Variants in RALGPS2 observed in about 807,000 individuals in gnomAD.
RALGPS2 encodes the protein Ral GEF with PH domain and SH3 binding motif 2, also known as ras-specific guanine nucleotide-releasing factor RalGPS2.
Under a neutral mutation model 86.8 loss-of-function variants are expected in RALGPS2, and 43 were observed. The ratio of observed to expected loss-of-function variants is 0.50; its 90% CI spans 0.39 to 0.64. RALGPS2 has a LOEUF of 0.64. Among genes scored for constraint, RALGPS2 ranks in the 30% least tolerant of loss-of-function variants. RALGPS2 has a pLI of 0.00. For missense variants in RALGPS2, 536 were observed against 694.6 expected, an observed-to-expected ratio of 0.77 and a Z score of 2.57; for synonymous variants, 243 against 231.3, an observed-to-expected ratio of 1.05 and a Z score of -0.46.
In RALGPS2 at chr1:178,896,264, AT is replaced by A. The variant is rs534215050; in HGVS notation, c.1432-1397del. Among the ~76,000 whole-genome samples the A allele has an allele frequency of 1.7e-3, 264 of 152,110 alleles. 1 individual carries two copies. Among genetic ancestry groups the A allele is most frequent in the Middle Eastern group, 3.4e-3 (1 of 294 alleles). Reference sequence around the variant, plus strand: ...GCAAAACAGAAGAAGTAGAGGCAAGATTTAGAGACACCCTTGCAAGAAGTTA... The same window carrying A: ...GCAAAACAGAAGAAGTAGAGGCAAGATTAGAGACACCCTTGCAAGAAGTTA... On this transcript the variant is annotated intron_variant, in intron 16 of 19. Transcript: ENST00000367635.
At position 178,892,306 on chromosome 1, in the gene RALGPS2, A is replaced by G. The variant is rs1026358352; in HGVS notation, c.1324A>G (p.Ser442Gly). ...NGYRSHMKAS[S>G]SAESEDLAVH... is the part of the protein sequence containing the mutation. ...CTATCGAAGTCACATGAAGGCCAGC[A>G]GGTACAATTCCCCTGCATTCAGGGG... Residue 442 changes from serine (S) to glycine (G), a missense_variant and splice_region_variant, in exon 15 of 20, where the codon AGT becomes GGT. By Grantham distance (56) the Ser-to-Gly change is moderately conservative. Coordinates refer to ENST00000367635, the MANE Select transcript of RALGPS2 (RefSeq NM_152663.5). The G allele has an allele frequency of 1.2e-6, 2 of 1,612,228 alleles. No homozygotes were observed. Among genetic ancestry groups the G allele is most frequent in the Middle Eastern group, 1.7e-4 (1 of 6,038 alleles).
At chr1:178,799,276 T>A (rs1385265415) in intron 4 of RALGPS2, among the ~76,000 whole-genome samples, 1 of 152,056 alleles carries the variant, frequency 6.6e-6, no homozygotes, top group African/African-American at 2.4e-5. Flanking sequence ...CCTGACCTCA[T>A]GATCCGTCTG....
intron 4 of RALGPS2, among the ~76,000 whole-genome samples, chr1:178,802,197 T>C (rs1036294756): frequency 6.6e-6 from 1 of 151,260 alleles, no homozygotes; most frequent in South Asian, 2.1e-4. Context: ...ATATATATTA[T>C]ATAATATATT....
intron 8 of RALGPS2, among the ~76,000 whole-genome samples, chr1:178,836,603 T>G (rs6696183): frequency 0.012 from 1,770 of 152,300 alleles, 53 homozygotes; most frequent in African/African-American, 0.04. Context: ...AGCCCCATCT[T>G]AATTGTGTGA....
intron 4 of RALGPS2, among the ~76,000 whole-genome samples, chr1:178,792,405 G>GT (rs1468774310): frequency 6.6e-6 from 1 of 151,924 alleles, no homozygotes; most frequent in Admixed American, 6.6e-5. Context: ...TCCCATTGAC[G>GT]TTACCTCCTA....
chr1:178,760,949 C>T (rs959084748), intron 1 of RALGPS2, among the ~76,000 whole-genome samples: 1 of 151,086 alleles, frequency 6.6e-6, no homozygotes, highest in African/African-American at 2.4e-5. Context: ...GGTCAGTTTA[C>T]ATAATCCCAT....
chr1:178,846,058 T>G (rs765318669), intron 8 of RALGPS2, among the ~76,000 whole-genome samples: 2 of 152,234 alleles, frequency 1.3e-5, no homozygotes, highest in Non-Finnish European at 1.5e-5. Flanking sequence ...TTATTTAGTT[T>G]TAGAAATTTC....
intron 19 of RALGPS2, among the ~76,000 whole-genome samples, chr1:178,910,381 T>A (rs1660574338): frequency 6.6e-6 from 1 of 152,220 alleles, no homozygotes; most frequent in Admixed American, 6.5e-5. Flanking sequence ...CCATTTAGAA[T>A]GATGTTGCTG....
chr1:178,914,368 G>T (rs927404777), intron 19 of RALGPS2, among the ~76,000 whole-genome samples: 1 of 152,118 alleles, frequency 6.6e-6, no homozygotes, highest in Non-Finnish European at 1.5e-5. Context: ...GGATCCCAGC[G>T]GTTTGTGGTG....
chr1:178,819,518 G>A (rs1249164974), intron 6 of RALGPS2, among the ~76,000 whole-genome samples: 1 of 152,048 alleles, frequency 6.6e-6, no homozygotes, highest in African/African-American at 2.4e-5. Context: ...CATAGATTAG[G>A]CCCTGGGCAA....
chr1:178,784,269 C>G (rs1653540705), intron 2 of RALGPS2, 149 bp from the exon 3 acceptor site: 2 of 450,332 alleles, frequency 4.4e-6, no homozygotes, highest in Non-Finnish European at 7.6e-6. Context: ...ATCTGGTACT[C>G]TAACAACTAA....
intron 1 of RALGPS2, among the ~76,000 whole-genome samples, chr1:178,730,573 T>TA (rs572912537): frequency 6.9e-4 from 101 of 147,426 alleles, no homozygotes; most frequent in East Asian, 3.0e-3. Context: ...CCTTCAGTTT[T>TA]AAAAAAAAAA....
intron 5 of RALGPS2, among the ~76,000 whole-genome samples, chr1:178,810,248 A>G (rs1050201242): frequency 6.6e-6 from 1 of 151,992 alleles, no homozygotes; most frequent in Admixed American, 6.6e-5. Flanking sequence ...TTAGCTGGGC[A>G]TGGCAGCTTA....
intron 8 of RALGPS2, among the ~76,000 whole-genome samples, chr1:178,868,097 C>G (rs959727121): frequency 1.1e-4 from 16 of 151,918 alleles, no homozygotes; most frequent in Non-Finnish European, 1.9e-4. Flanking sequence ...ATAGCCAAAG[C>G]ACACATGGGT....
chr1:178,905,676 T>C (rs1660360341), intron 18 of RALGPS2, among the ~76,000 whole-genome samples: 1 of 152,198 alleles, frequency 6.6e-6, no homozygotes, highest in African/African-American at 2.4e-5. Flanking sequence ...AAAAAGAACT[T>C]AGGTCAATGA....
At chr1:178,790,890 A>C (rs936192373) in intron 4 of RALGPS2, among the ~76,000 whole-genome samples, 16 of 152,178 alleles carry the variant, frequency 1.1e-4, no homozygotes, top group Non-Finnish European at 1.9e-4. Flanking sequence ...TTTATATAGT[A>C]TACATTAGAA....
intron 8 of RALGPS2, among the ~76,000 whole-genome samples, chr1:178,855,673 G>A (rs547761973): frequency 4.0e-5 from 6 of 151,612 alleles, no homozygotes; most frequent in Admixed American, 1.3e-4. Flanking sequence ...CTTTGCATTC[G>A]TTATAAACAT....
chr1:178,864,129 A>G (rs1658220217), intron 8 of RALGPS2, among the ~76,000 whole-genome samples: 1 of 152,186 alleles, frequency 6.6e-6, no homozygotes, highest in South Asian at 2.1e-4. Flanking sequence ...TCAGAAAGTT[A>G]GCAGTGGGTT....
intron 2 of RALGPS2, 115 bp from the exon 3 acceptor site, chr1:178,784,302 TC>T: frequency 1.6e-6 from 1 of 625,740 alleles, no homozygotes; most frequent in Non-Finnish European, 2.5e-6. Context: ...GCTCAGCTTT[TC>T]TGCAGCATTT....
Sources: gnomAD v4.1 joint callset for allele counts (sites outside exome capture counted in the v4.1 genomes callset) on GRCh38, gnomAD v4.1.1 for gene constraint, MANE v1.5 for transcripts, NCBI Gene and HGNC (gene_info 2026-07-23, HGNC 2026-07-21) for gene names.